Variants in PLEKHG1 observed in about 807,000 individuals in gnomAD.
The protein encoded by PLEKHG1 is pleckstrin homology domain-containing family G member 1.
A neutral mutation model predicts 100.8 loss-of-function variants in PLEKHG1; 44 were observed. The ratio of observed to expected loss-of-function variants is 0.44; its 90% confidence interval spans 0.34 to 0.56. PLEKHG1 has a LOEUF of 0.56. Among genes scored for constraint, PLEKHG1 ranks in the 20% least tolerant of loss-of-function variants. The pLI, the probability that PLEKHG1 is intolerant of heterozygous loss-of-function variation, is 0.01. For synonymous variants in PLEKHG1, 640 were observed against 662.5 expected, an observed-to-expected ratio of 0.97 and a Z score of 0.52; for missense variants, 1,545 against 1,720.9, an observed-to-expected ratio of 0.90 and a Z score of 1.81.
rs186394480 is a variant in PLEKHG1 at position 150,735,214 on chromosome 6, G to A, written c.411+1122G>A. On this transcript the variant is annotated intron_variant, in intron 2 of 15. Coordinates refer to ENST00000358517, the Ensembl canonical transcript of PLEKHG1. ...TTGGTCAGGCTGGTCTCGAACTCCC[G>A]ACCTCAGGTGATCCTCCTGCCTCGG... Among the ~76,000 whole-genome samples, 5 of 151,964 alleles carry A rather than the reference G, an allele frequency of 3.3e-5. No homozygotes were observed. The East Asian group carries it at 7.8e-4, about 24-fold the overall frequency.
At chr6:150,688,644 C>T (rs1780232491) in intron 3 of PLEKHG1, among the ~76,000 whole-genome samples, 1 of 152,136 alleles carries the variant, frequency 6.6e-6, no homozygotes, top group Admixed American at 6.6e-5. Context: ...TTTAATCTAA[C>T]ATTTTCTCTC....
intron 1 of PLEKHG1, among the ~76,000 whole-genome samples, chr6:150,601,260 G>A (rs766071786): frequency 7.2e-5 from 11 of 152,120 alleles, no homozygotes; most frequent in South Asian, 2.1e-4. Context: ...TAGAGATTTT[G>A]GATTTTGATT....
chr6:150,628,426 T>C (rs1442367772), intron 1 of PLEKHG1, among the ~76,000 whole-genome samples: 1 of 152,062 alleles, frequency 6.6e-6, no homozygotes, highest in African/African-American at 2.4e-5. Flanking sequence ...ATTCCACACA[T>C]AGGACTGCAG....
At chr6:150,733,487 T>A in intron 1 of PLEKHG1, 97 bp from the exon 3 acceptor site, 6 of 1,073,510 alleles carry the variant, frequency 5.6e-6, no homozygotes, top group Non-Finnish European at 7.8e-6. Flanking sequence ...ACCTTGTTAT[T>A]GACTGTATTT....
chr6:150,797,010 A>G (rs768199067), intron 5 of PLEKHG1, among the ~76,000 whole-genome samples: 1 of 151,538 alleles, frequency 6.6e-6, no homozygotes, highest in Non-Finnish European at 1.5e-5. Context: ...TGTTTTTTTG[A>G]GACAGAGTCT....
Position 150,713,769 on chromosome 6 carries a change from G to T in PLEKHG1, c.-98-19815G>T, listed in dbSNP as rs139879130. On this transcript the variant is annotated intron_variant, in intron 3 of 3. Coordinates refer to the PLEKHG1 transcript ENST00000367326. ...CTATGGGAAGGGGTGGGGGGCAGTT[G>T]GCAAGGTGGAGCTGAGCCCTCTCCT... Among the ~76,000 whole-genome samples, 883 of 152,260 alleles carry T rather than the reference G, an allele frequency of 5.8e-3. 8 individuals carry two copies. Among genetic ancestry groups the T allele is most frequent in the African/African-American group, 0.021 (854 of 41,542 alleles).
intron 1 of PLEKHG1, among the ~76,000 whole-genome samples, chr6:150,608,704 G>A (rs560961561): frequency 6.6e-6 from 1 of 152,138 alleles, no homozygotes; most frequent in South Asian, 2.1e-4. Flanking sequence ...AGTTTAAGTT[G>A]GTTTTGGGGA....
chr6:150,687,155 T>C (rs1482031134), intron 3 of PLEKHG1, among the ~76,000 whole-genome samples: 1 of 152,122 alleles, frequency 6.6e-6, no homozygotes, highest in East Asian at 1.9e-4. Flanking sequence ...TTGTGGGAGG[T>C]CTATTTTCCT....
At chr6:150,606,835 C>T (rs1198457171) in intron 1 of PLEKHG1, among the ~76,000 whole-genome samples, 1 of 152,094 alleles carries the variant, frequency 6.6e-6, no homozygotes, top group Non-Finnish European at 1.5e-5. Flanking sequence ...CATGCTGGCT[C>T]ACATGGTGAT....
At chr6:150,626,838 G>T (rs1195530764) in intron 1 of PLEKHG1, among the ~76,000 whole-genome samples, 3 of 152,150 alleles carry the variant, frequency 2.0e-5, no homozygotes, top group African/African-American at 7.2e-5. Flanking sequence ...GCGTGTGTGT[G>T]TGTTTTGTAT....
chr6:150,810,551 GAAAGAAAGAAAGAA>G (rs1787461531), intron 10 of PLEKHG1, among the ~76,000 whole-genome samples: 2 of 129,172 alleles, frequency 1.5e-5, no homozygotes, highest in Non-Finnish European at 3.4e-5. Flanking sequence ...AGAAAGGAAG[GAAAGAAAGAAAGAA>G]AATTGAGAGA....
chr6:150,768,914 A>C (rs1784578195), intron 3 of PLEKHG1, among the ~76,000 whole-genome samples, 176 bp downstream of exon 4: 1 of 152,162 alleles, frequency 6.6e-6, no homozygotes, highest in Non-Finnish European at 1.5e-5. Context: ...TGAGTCTCAC[A>C]TGTATTCCAT....
chr6:150,619,219 GT>G (rs1156600658), intron 1 of PLEKHG1, among the ~76,000 whole-genome samples: 1 of 152,174 alleles, frequency 6.6e-6, no homozygotes, highest in Non-Finnish European at 1.5e-5. Context: ...AGGGGAGGGC[GT>G]TCAAAGGTCA....
intron 3 of PLEKHG1, among the ~76,000 whole-genome samples, chr6:150,685,223 C>T (rs555104391): frequency 3.3e-5 from 5 of 152,090 alleles, no homozygotes; most frequent in African/African-American, 1.2e-4. Flanking sequence ...CCTGATGCCA[C>T]CCCACTCCCA....
chr6:150,823,708 G>T, intron 14 of PLEKHG1, 32 bp downstream of exon 15: 1 of 1,574,808 alleles, frequency 6.3e-7, no homozygotes, highest in Non-Finnish European at 8.7e-7. Context: ...ACTTGGAAAT[G>T]TTCACTTCAG....
intron 14 of PLEKHG1, chr6:150,828,237 A>AT (rs1776723280): frequency 2.5e-6 from 4 of 1,613,800 alleles, no homozygotes; most frequent in Non-Finnish European, 3.4e-6. Context: ...ACCTGACAAG[A>AT]GATGAGTTGG....
chr6:150,657,858 C>T (rs1193341671), intron 3 of PLEKHG1, among the ~76,000 whole-genome samples: 1 of 152,180 alleles, frequency 6.6e-6, no homozygotes, highest in East Asian at 1.9e-4. Context: ...CCTAAAATGT[C>T]AAAAGGACCA....
In PLEKHG1 at chr6:150,603,079, CA is replaced by C. The variant is rs71554469; in HGVS notation, c.-204+3076del. Among the ~76,000 whole-genome samples the C allele has an allele frequency of 1.2e-3, 81 of 70,306 alleles. 2 individuals carry two copies. The highest frequency in any genetic ancestry group is 1.5e-3 in the Non-Finnish European group (57 of 37,228). 46.1% of individuals were successfully genotyped at this position (70,306 alleles called of 152,430 possible). A position where few individuals can be genotyped will look rare whatever the true frequency, so the allele number is the denominator to read the frequency against. On this transcript the variant is annotated intron_variant, in intron 1 of 3. Transcript: ENST00000367326. The stretch of plus-strand genomic sequence containing the variant: ...CCTGGGCGACAGCGAGACTCCGTCT[CA>C]AAAAAAAAAAAAATAAAAAAAAAGA...
chr6:150,649,123 A>C (rs1215127535), intron 2 of PLEKHG1, among the ~76,000 whole-genome samples: 4 of 151,914 alleles, frequency 2.6e-5, no homozygotes, highest in African/African-American at 9.7e-5. Context: ...TAATTTCTTT[A>C]TTCTCTTCAA....
Sources: gnomAD v4.1 joint callset for allele counts (sites outside exome capture counted in the v4.1 genomes callset) on GRCh38, gnomAD v4.1.1 for gene constraint, MANE v1.5 for transcripts, NCBI Gene and HGNC (gene_info 2026-07-23, HGNC 2026-07-21) for gene names.